PLCB1: variants seen among roughly 807,000 people sequenced by gnomAD.
The protein encoded by PLCB1 is phospholipase C beta 1, also known as 1-phosphatidylinositol 4,5-bisphosphate phosphodiesterase beta-1.
Under a neutral mutation model 161.8 loss-of-function variants are expected in PLCB1, and 46 were observed. The observed-to-expected ratio is 0.28, with a 90% confidence interval of 0.22 to 0.36. The LOEUF (loss-of-function observed/expected upper bound fraction) is 0.36. Among genes scored for constraint, PLCB1 ranks in the 10% least tolerant of loss-of-function variants. The probability of loss-of-function intolerance (pLI) is 1.00; values close to 1 mark genes in which losing one functional copy is unlikely to be tolerated. For synonymous variants in PLCB1, 517 were observed against 503.7 expected, an observed-to-expected ratio of 1.03 and a Z score of -0.35; for missense variants, 1,016 against 1,472.5, an observed-to-expected ratio of 0.69 and a Z score of 5.07.
chr20:8,132,669 C>G lies in PLCB1; in HGVS notation c.18C>G (p.Pro6=), dbSNP rs745497485. 6.2e-7 allele frequency: 1 copy of G among 1,611,960 alleles called. No individual in the cohort carries two copies. The highest frequency in any genetic ancestry group is 1.7e-5 in the Admixed American group (1 of 59,886). The part of the protein sequence containing the change: MAGAQ[P]GVHALQLKPV... ...GAGCCCAGATGGCCGGGGCTCAACC[C>G]GGAGTGCACGCCTTGCAACTCAAGC... Residue 6 remains proline (P), a synonymous_variant, in exon 1 of 32, where the codon CCC becomes CCG. Coordinates refer to ENST00000338037, the MANE Select transcript of PLCB1 (RefSeq NM_015192.4). The surrounding 1 kb of genome is among the most constrained non-coding windows in gnomAD (Gnocchi z 5.2).
chr20:8,690,746 G>C (rs953348913), intron 10 of PLCB1, among the ~76,000 whole-genome samples: 8 of 152,208 alleles, frequency 5.3e-5, no homozygotes, highest in Non-Finnish European at 7.3e-5. Context: ...CCCCAGGAAA[G>C]GAGGGGATTA....
intron 2 of PLCB1, among the ~76,000 whole-genome samples, chr20:8,170,840 C>T (rs1189186380): frequency 6.6e-6 from 1 of 152,124 alleles, no homozygotes; most frequent in African/African-American, 2.4e-5. Context: ...ACAATACAGT[C>T]GTTCTGAGAG....
intron 18 of PLCB1, chr20:8,729,577 G>T: frequency 6.5e-6 from 1 of 153,320 alleles, no homozygotes; most frequent in Non-Finnish European, 1.5e-5. Flanking sequence ...ACATATAAAT[G>T]CTTTTTTTAT....
chr20:8,646,017 T>G, intron 4 of PLCB1, 85 bp from the exon 5 acceptor site: 1 of 890,656 alleles, frequency 1.1e-6, no homozygotes, highest in Non-Finnish European at 1.9e-6. Context: ...TGAACTAATG[T>G]GTCTTCCTGG....
intron 3 of PLCB1, among the ~76,000 whole-genome samples, chr20:8,474,882 A>T (rs903428402): frequency 1.3e-5 from 2 of 152,272 alleles, no homozygotes; most frequent in South Asian, 2.1e-4. Flanking sequence ...CACCCTCCTC[A>T]TTCCATAATA....
chr20:8,737,316 A>G, intron 20 of PLCB1, 124 bp downstream of exon 20: 1 of 793,724 alleles, frequency 1.3e-6, no homozygotes, highest in East Asian at 2.7e-5. Flanking sequence ...TAAAGCAATT[A>G]CCTTTTGAAA....
chr20:8,797,609 G>A (rs1984092362), intron 31 of PLCB1, among the ~76,000 whole-genome samples: 1 of 151,962 alleles, frequency 6.6e-6, no homozygotes, highest in Non-Finnish European at 1.5e-5. Flanking sequence ...TTCAGGTTTT[G>A]TATTTTATTT....
At chr20:8,716,948 A>G (rs1176759671) in intron 13 of PLCB1, among the ~76,000 whole-genome samples, 1 of 152,242 alleles carries the variant, frequency 6.6e-6, no homozygotes, top group Non-Finnish European at 1.5e-5. Context: ...GCAAGCCAAG[A>G]ATAGAGGACT....
chr20:8,409,326 A>G (rs1427677504), intron 3 of PLCB1, among the ~76,000 whole-genome samples: 2 of 152,190 alleles, frequency 1.3e-5, no homozygotes, highest in African/African-American at 2.4e-5. Context: ...ATGGGGGACT[A>G]TATTCCCATT....
rs138904904 is a variant in PLCB1, at chr20:8,646,437, C to A, written c.464+256C>A. On this transcript the variant is annotated intron_variant, in intron 5 of 31. Transcript: ENST00000338037. ...CGCATGAATGTCAGTGCTTTTGACA[C>A]ACAACAAAGAGACACTTCCAAATCC... Among the ~76,000 whole-genome samples, 869 of 152,320 alleles carry A rather than the reference C, an allele frequency of 5.7e-3. 7 individuals are homozygous for A. The highest frequency in any genetic ancestry group is 6.7e-3 in the Non-Finnish European group (455 of 68,032).
At chr20:8,571,578 C>T (rs1282895789) in intron 3 of PLCB1, among the ~76,000 whole-genome samples, 1 of 152,096 alleles carries the variant, frequency 6.6e-6, no homozygotes, top group African/African-American at 2.4e-5. Context: ...CTGTACTTGT[C>T]TAGGCAAGAG....
Position 8,401,060 on chromosome 20 carries a change from T to A in PLCB1, c.246+29610T>A, listed in dbSNP as rs897049578. ...TACTCTTGCCAACACCATGTTTGATTGAATTTTTTTGATCTTTGAAATGTT... is the reference window on the plus strand; with the variant it reads ...TACTCTTGCCAACACCATGTTTGATAGAATTTTTTTGATCTTTGAAATGTT... On this transcript the variant is annotated intron_variant, in intron 3 of 31. Transcript: ENST00000338037. Among the ~76,000 whole-genome samples the A allele has an allele frequency of 2.0e-5, 3 of 152,234 alleles. 1 individual carries two copies. The highest frequency in any genetic ancestry group is 7.2e-5 in the African/African-American group (3 of 41,466).
chr20:8,805,164 T>C (rs755387079), intron 31 of PLCB1, among the ~76,000 whole-genome samples: 7 of 152,202 alleles, frequency 4.6e-5, no homozygotes, highest in Non-Finnish European at 2.9e-5. Context: ...AGTGCAAATC[T>C]TCATTGGTGA....
chr20:8,279,412 T>A (rs1021868037), intron 2 of PLCB1, among the ~76,000 whole-genome samples: 5 of 152,154 alleles, frequency 3.3e-5, no homozygotes, highest in Admixed American at 2.6e-4. Flanking sequence ...ATAGGCATAT[T>A]CACAAAGACA....
intron 31 of PLCB1, among the ~76,000 whole-genome samples, chr20:8,833,126 A>G (rs955729778): frequency 6.6e-5 from 10 of 152,348 alleles, no homozygotes; most frequent in East Asian, 3.9e-4. Flanking sequence ...CCTAAATCCA[A>G]TGATGTGTGT....
At chr20:8,268,448 G>C (rs1372833723) in intron 2 of PLCB1, among the ~76,000 whole-genome samples, 2 of 152,130 alleles carry the variant, frequency 1.3e-5, no homozygotes, top group African/African-American at 4.8e-5. Flanking sequence ...TGTCTTTATA[G>C]CAGCATGATT....
intron 23 of PLCB1, among the ~76,000 whole-genome samples, chr20:8,743,769 A>G (rs571792443): frequency 1.3e-5 from 2 of 152,292 alleles, no homozygotes; most frequent in South Asian, 4.2e-4. Context: ...GAAAATAGTT[A>G]CATCTCTCAT....
At chr20:8,654,176 T>G (rs912590165) in intron 7 of PLCB1, among the ~76,000 whole-genome samples, 1 of 152,042 alleles carries the variant, frequency 6.6e-6, no homozygotes, top group Non-Finnish European at 1.5e-5. Context: ...TTTTCCCTTT[T>G]GAGATTCCTT....
At chr20:8,383,782 CTTAG>C (rs1246517844) in intron 3 of PLCB1, among the ~76,000 whole-genome samples, 1 of 152,198 alleles carries the variant, frequency 6.6e-6, no homozygotes, top group Non-Finnish European at 1.5e-5. Flanking sequence ...GCTTATGAAG[CTTAG>C]TTTGGCTGGA....
Sources: gnomAD v4.1 joint callset for allele counts (sites outside exome capture counted in the v4.1 genomes callset) on GRCh38, gnomAD v4.1.1 for gene constraint, Gnocchi (gnomAD v3.1) non-coding constraint, MANE v1.5 for transcripts, NCBI Gene and HGNC (gene_info 2026-07-23, HGNC 2026-07-21) for gene names.